The following AUTS2 variants were observed in gnomAD, a reference collection of about 807,000 sequenced individuals.
The protein encoded by AUTS2 is autism susceptibility gene 2 protein.
A neutral mutation model predicts 112.4 loss-of-function variants in AUTS2; 17 were observed. The ratio of observed to expected loss-of-function variants is 0.15; its 90% CI spans 0.10 to 0.23. The LOEUF is 0.23. AUTS2 is among the 10% of genes least tolerant of loss of function. AUTS2 has a pLI of 1.00. For missense variants in AUTS2, 1,510 were observed against 1,701.6 expected (o/e 0.89, Z 1.98); for synonymous variants, 751 against 702.7 (o/e 1.07, Z -1.09).
At chr7:69,718,340 C>T (rs576621908) in intron 1 of AUTS2, among the ~76,000 whole-genome samples, 2 of 152,180 alleles carry the variant, frequency 1.3e-5, no homozygotes, top group East Asian at 3.9e-4. Flanking sequence ...GCTAGAAGTC[C>T]AACATGGATC....
intron 5 of AUTS2, among the ~76,000 whole-genome samples, chr7:70,620,001 C>T (rs958305603): frequency 2.6e-5 from 4 of 152,170 alleles, no homozygotes; most frequent in Admixed American, 6.5e-5. Flanking sequence ...TGCCGAGAAG[C>T]GCTTAGCACC....
intron 2 of AUTS2, among the ~76,000 whole-genome samples, chr7:69,996,428 G>T (rs1289503589): frequency 1.3e-5 from 2 of 152,208 alleles, no homozygotes; most frequent in African/African-American, 4.8e-5. Context: ...TTGCAGGCCT[G>T]TTGGGAGCAT....
intron 4 of AUTS2, among the ~76,000 whole-genome samples, chr7:70,409,048 C>A (rs1794665229): frequency 6.6e-6 from 1 of 152,198 alleles, no homozygotes; most frequent in African/African-American, 2.4e-5. Context: ...CATGAAGGAA[C>A]AGATTTGAAA....
intron 1 of AUTS2, among the ~76,000 whole-genome samples, chr7:69,676,805 G>C (rs1796587247): frequency 8.0e-6 from 1 of 125,550 alleles, no homozygotes; most frequent in African/African-American, 3.1e-5. Context: ...CTGAAACTCT[G>C]GTTTTTTTCT....
intron 5 of AUTS2, among the ~76,000 whole-genome samples, chr7:70,679,803 G>A (rs947314329): frequency 6.6e-5 from 10 of 152,232 alleles, no homozygotes; most frequent in Non-Finnish European, 1.3e-4. Context: ...GTTCTGATCT[G>A]TGTGGGTTTG....
intron 1 of AUTS2, among the ~76,000 whole-genome samples, chr7:69,837,394 A>G (rs1791773549): frequency 6.6e-6 from 1 of 152,142 alleles, no homozygotes; most frequent in South Asian, 2.1e-4. Flanking sequence ...AGAACTTGGT[A>G]GGGTTCAGCT....
intron 1 of AUTS2, among the ~76,000 whole-genome samples, chr7:69,838,301 T>TTGA (rs57339468): frequency 0.24 from 36,190 of 151,752 alleles, 4,354 homozygotes; most frequent in Middle Eastern, 0.34. Context: ...CCTAAAGCGA[T>TTGA]TGATGATGAT....
At chr7:69,797,722 A>G (rs1259330475) in intron 1 of AUTS2, among the ~76,000 whole-genome samples, 1 of 152,142 alleles carries the variant, frequency 6.6e-6, no homozygotes, top group Non-Finnish European at 1.5e-5. Flanking sequence ...CTAACACTAT[A>G]AGGTTATGTC....
chr7:69,639,293 T>C (rs549383120), intron 1 of AUTS2, among the ~76,000 whole-genome samples: 4 of 152,336 alleles, frequency 2.6e-5, no homozygotes, highest in African/African-American at 4.8e-5. Context: ...GATGCAAATG[T>C]AGCAGATCTC....
intron 5 of AUTS2, among the ~76,000 whole-genome samples, chr7:70,614,132 G>T (rs1804234246): frequency 6.6e-6 from 1 of 152,174 alleles, no homozygotes; most frequent in Non-Finnish European, 1.5e-5. Context: ...ATCCTCACTG[G>T]CCAGTTGATG....
At chr7:70,352,353 C>G (rs994886660) in intron 4 of AUTS2, among the ~76,000 whole-genome samples, 1 of 152,228 alleles carries the variant, frequency 6.6e-6, no homozygotes, top group African/African-American at 2.4e-5. Context: ...TAACTTGCCT[C>G]TCTCAGTACA....
chr7:69,826,700 A>G (rs766523284), intron 1 of AUTS2, among the ~76,000 whole-genome samples: 3 of 152,124 alleles, frequency 2.0e-5, no homozygotes, highest in Admixed American at 6.5e-5. Context: ...CTTTTAGTCT[A>G]TTGTAAGTGT....
At chr7:70,548,401 C>T (rs13235598) in intron 5 of AUTS2, among the ~76,000 whole-genome samples, 10,574 of 152,036 alleles carry the variant, frequency 0.07, 439 homozygotes, top group Middle Eastern at 0.1. Flanking sequence ...ACTTTTGAAG[C>T]ACAAAAGGTT....
At chr7:70,525,773 GC>G (rs1308046964) in intron 5 of AUTS2, among the ~76,000 whole-genome samples, 1 of 152,194 alleles carries the variant, frequency 6.6e-6, no homozygotes, top group Non-Finnish European at 1.5e-5. Context: ...ATGAACACTC[GC>G]ATGGAAGCCC....
intron 1 of AUTS2, among the ~76,000 whole-genome samples, chr7:69,625,956 G>C (rs917593958): frequency 2.0e-5 from 3 of 152,170 alleles, no homozygotes; most frequent in Non-Finnish European, 4.4e-5. Context: ...AAGACTCTAT[G>C]AACATTATTG....
chr7:69,865,234 G>A (rs571121346), intron 1 of AUTS2, among the ~76,000 whole-genome samples: 1 of 152,130 alleles, frequency 6.6e-6, no homozygotes, highest in South Asian at 2.1e-4. Context: ...AGGTGGAAAA[G>A]GGTTTCTGTG....
chr7:69,887,866 T>C (rs1310940295), intron 1 of AUTS2, among the ~76,000 whole-genome samples: 1 of 152,222 alleles, frequency 6.6e-6, no homozygotes, highest in Non-Finnish European at 1.5e-5. Context: ...CATTGGCCTC[T>C]TTCATTTTTT....
intron 5 of AUTS2, among the ~76,000 whole-genome samples, chr7:70,618,568 C>T (rs1406075711): frequency 2.6e-5 from 4 of 152,202 alleles, no homozygotes; most frequent in East Asian, 3.8e-4. Context: ...AATTAAACTG[C>T]GATCACTAAC....
At chr7:70,373,944 C>CTA (rs1369679991) in intron 4 of AUTS2, among the ~76,000 whole-genome samples, 2 of 151,616 alleles carry the variant, frequency 1.3e-5, no homozygotes, top group Admixed American at 6.6e-5. Flanking sequence ...CATGAATGGT[C>CTA]TATACGGAAT....
Sources: gnomAD v4.1 joint callset for allele counts (sites outside exome capture counted in the v4.1 genomes callset) on GRCh38, gnomAD v4.1.1 for gene constraint, MANE v1.5 for transcripts, NCBI Gene and HGNC (gene_info 2026-07-23, HGNC 2026-07-21) for gene names.